The following SNAP91 variants were observed in gnomAD, a reference collection of about 807,000 sequenced individuals.
The protein encoded by SNAP91 is synaptosome associated protein 91.
In SNAP91, 27 loss-of-function variants were observed where a neutral mutation model predicts 100.3. That is an observed-to-expected ratio of 0.27 (90% CI 0.20 to 0.37). SNAP91 has a LOEUF of 0.37. Ranked by LOEUF, SNAP91 falls within the 10% of genes least tolerant of loss-of-function variation. SNAP91 has a pLI of 1.00. For synonymous variants in SNAP91, 404 were observed against 398.6 expected (o/e 1.01, Z -0.16); for missense variants, 986 against 1,123.7 (o/e 0.88, Z 1.75).
intron 26 of SNAP91, among the ~76,000 whole-genome samples, chr6:83,564,382 G>A (rs1358429935): frequency 6.7e-6 from 1 of 149,832 alleles, no homozygotes; most frequent in Non-Finnish European, 1.5e-5. Context: ...CTGTCACTGA[G>A]GCTGGAGTGC....
intron 2 of SNAP91, among the ~76,000 whole-genome samples, chr6:83,695,730 T>C (rs1165811052): frequency 6.6e-6 from 1 of 152,132 alleles, no homozygotes; most frequent in Admixed American, 6.6e-5. Flanking sequence ...GAAAAAACAC[T>C]TGTTTCTTAA....
At chr6:83,591,420 G>T (rs907002233) in intron 21 of SNAP91, 126 bp from the exon 22 acceptor site, 1 of 601,118 alleles carries the variant, frequency 1.7e-6, no homozygotes, top group Non-Finnish European at 3.0e-6. Context: ...TCTTTTGTGG[G>T]TGTGTGAAAT....
chr6:83,615,024 A>G (rs2096396060), intron 10 of SNAP91, among the ~76,000 whole-genome samples, 162 bp from the exon 11 acceptor site: 1 of 152,204 alleles, frequency 6.6e-6, no homozygotes, highest in African/African-American at 2.4e-5. Context: ...TTAAAGGAAA[A>G]AGAAAAATTA....
At position 83,665,531 on chromosome 6, in the gene SNAP91, C is replaced by T. The variant is rs1295717061; in HGVS notation, c.181G>A (p.Asp61Asn). 3.7e-6 allele frequency: 6 copies of T among 1,612,444 alleles called. No individual in the cohort carries two copies. Among genetic ancestry groups the T allele is most frequent in the Middle Eastern group, 1.6e-4 (1 of 6,080 alleles). The change falls in exon 3 of 30, where the codon GAC (aspartate) becomes AAC (asparagine). Residue 61 changes from aspartate (D) to asparagine (N), a missense_variant. This residue lies in a region of SNAP91 where 330 missense variants were observed against 447.5 expected (regional missense o/e 0.74). Coordinates refer to ENST00000369694, the MANE Select transcript of SNAP91 (RefSeq NM_001242792.2). ...TTTGTTGCCCGCTCAAAGAGAGTGT[C>T]GGCCATCTGAGGAATATTAACATTG... Reference protein sequence around the residue: ...ETNVNIPQMADTLFERATNSS... With the variant: ...ETNVNIPQMANTLFERATNSS...
chr6:83,611,257 T>A (rs1335380338), intron 11 of SNAP91, among the ~76,000 whole-genome samples: 1 of 152,112 alleles, frequency 6.6e-6, no homozygotes, highest in Non-Finnish European at 1.5e-5. Context: ...AGGAAAAATA[T>A]TCCCATCATC....
intron 2 of SNAP91, among the ~76,000 whole-genome samples, chr6:83,677,249 T>G (rs1041419443): frequency 6.6e-6 from 1 of 152,204 alleles, no homozygotes; most frequent in African/African-American, 2.4e-5. Context: ...CTCAGAGTTA[T>G]GTCAGTCATT....
chr6:83,668,748 T>C (rs888655748), intron 2 of SNAP91, among the ~76,000 whole-genome samples: 2 of 151,720 alleles, frequency 1.3e-5, no homozygotes, highest in Non-Finnish European at 1.5e-5. Context: ...TAATTTTTAA[T>C]ATAGTAAATA....
intron 8 of SNAP91, among the ~76,000 whole-genome samples, chr6:83,629,252 T>C (rs1462775158): frequency 6.6e-6 from 1 of 152,202 alleles, no homozygotes; most frequent in African/African-American, 2.4e-5. Flanking sequence ...CCATGTTGTT[T>C]TAGTGACTAT....
Position 83,593,598 on chromosome 6 carries a change from CAGG to C in SNAP91, c.1573_1575del (p.Pro525del). 6.3e-7 allele frequency: 1 copy of C among 1,581,728 alleles called. No individual in the cohort carries two copies. The highest frequency in any genetic ancestry group is 8.6e-7 in the Non-Finnish European group (1 of 1,164,068). On this transcript the variant is annotated inframe_deletion, in exon 18 of 30. Transcript: ENST00000369694. ...GCAGCAGCAGCTGCAACGGCAGGAGCAGGAGAAGGAGCAGTTGCGGGAACTGGA... is the reference window on the plus strand; with the variant it reads ...GCAGCAGCAGCTGCAACGGCAGGAGCAGAAGGAGCAGTTGCGGGAACTGGA...
intron 5 of SNAP91, 55 bp downstream of exon 5, chr6:83,661,447 G>T: frequency 9.4e-7 from 1 of 1,064,620 alleles, no homozygotes; most frequent in Non-Finnish European, 1.4e-6. Context: ...AATAAATCAA[G>T]TATGCCTCAA....
At position 83,593,692 on chromosome 6, in the gene SNAP91, G is replaced by T. The variant is rs768520005; in HGVS notation, c.1482C>A (p.Asp494Glu). 13 of 1,608,704 alleles carry T rather than the reference G, an allele frequency of 8.1e-6. No individual in the cohort carries two copies. Among genetic ancestry groups the T allele is most frequent in the Non-Finnish European group, 3.4e-6 (4 of 1,175,870 alleles). ...TCTCAGGTGGCTTCATTGCAAAGAG[G>T]TCCAGCTCAGGTGCAGCCTCTGCAC... ...EGSAEAAPEL[D>E]LFAMKPPETS... The change falls in exon 18 of 30, where the codon GAC (aspartate) becomes GAA (glutamate). Residue 494 changes from aspartate (D) to glutamate (E), a missense_variant. Physicochemically the swap from Asp to Glu is conservative, Grantham distance 45. Transcript: ENST00000369694.
At chr6:83,689,471 A>G (rs1415762210) in intron 2 of SNAP91, 1 of 152,196 alleles carries the variant, frequency 6.6e-6, no homozygotes, top group African/African-American at 2.4e-5. Context: ...GACAAATGAA[A>G]TTTAATATAT....
chr6:83,690,276 C>G, intron 2 of SNAP91: 1 of 1,175,486 alleles, frequency 8.5e-7, no homozygotes, highest in Non-Finnish European at 1.1e-6. Context: ...ATACTGTGAT[C>G]CAAAACAAAT....
intron 22 of SNAP91, among the ~76,000 whole-genome samples, chr6:83,589,482 G>A (rs995100416): frequency 1.3e-5 from 2 of 152,060 alleles, no homozygotes; most frequent in African/African-American, 2.4e-5. Flanking sequence ...TAAGCCCTAC[G>A]GAAATTAAAA....
intron 11 of SNAP91, among the ~76,000 whole-genome samples, chr6:83,613,510 G>T (rs960602921): frequency 7.9e-5 from 12 of 152,342 alleles, no homozygotes; most frequent in African/African-American, 2.9e-4. Context: ...AACCAGAGGT[G>T]CTCCAATGGG....
intron 8 of SNAP91, among the ~76,000 whole-genome samples, chr6:83,635,432 T>C (rs2097396048): frequency 6.6e-6 from 1 of 152,226 alleles, no homozygotes; most frequent in African/African-American, 2.4e-5. Flanking sequence ...CATTATGTAA[T>C]GTCCTTCTTT....
At chr6:83,642,263 A>C (rs2097738598) in intron 7 of SNAP91, among the ~76,000 whole-genome samples, 1 of 152,188 alleles carries the variant, frequency 6.6e-6, no homozygotes, top group Non-Finnish European at 1.5e-5. Context: ...ATATGTATAC[A>C]TGTGCCATGT....
chr6:83,681,011 A>T (rs2098981348), intron 2 of SNAP91, among the ~76,000 whole-genome samples: 1 of 152,180 alleles, frequency 6.6e-6, no homozygotes, highest in Non-Finnish European at 1.5e-5. Flanking sequence ...ATATGTGTGC[A>T]TAGTGCTTAC....
At chr6:83,616,918 G>A in intron 10 of SNAP91, 51 bp downstream of exon 10, 1 of 1,154,176 alleles carries the variant, frequency 8.7e-7, no homozygotes, top group Non-Finnish European at 1.2e-6. Context: ...ATTCTTAGAA[G>A]AACGACTGTA....
Sources: gnomAD v4.1 joint callset for allele counts (sites outside exome capture counted in the v4.1 genomes callset) on GRCh38, gnomAD v4.1.1 for gene constraint, gnomAD v4.1.1 regional missense constraint, MANE v1.5 for transcripts, NCBI Gene and HGNC (gene_info 2026-07-23, HGNC 2026-07-21) for gene names.